The following TASP1 variants were observed in gnomAD, a reference collection of about 807,000 sequenced individuals.
The protein encoded by TASP1 is threonine aspartase 1.
TASP1 carries 16 observed loss-of-function variants against 56.6 expected under a neutral mutation model. That is an observed-to-expected ratio of 0.28 (90% CI 0.19 to 0.43). The LOEUF (loss-of-function observed/expected upper bound fraction) is 0.43. TASP1 is among the 20% of genes least tolerant of loss of function. The pLI is 1.00. For missense variants in TASP1, 393 were observed against 511.6 expected (o/e 0.77, Z 2.24); for synonymous variants, 179 against 184.2 (o/e 0.97, Z 0.23).
chr20:13,118,263 T>C, the TASP1 span, among the ~76,000 whole-genome samples: 1 of 151,988 alleles, frequency 6.6e-6, no homozygotes, highest in African/African-American at 2.4e-5. Context: ...GTGGCAGGAA[T>C]GTACTTTTAA....
chr20:13,113,484 A>G, the TASP1 span, among the ~76,000 whole-genome samples: 1 of 152,178 alleles, frequency 6.6e-6, no homozygotes, highest in Non-Finnish European at 1.5e-5. Flanking sequence ...GGGAGATATC[A>G]AGATAGAAAA....
chr20:13,536,964 C>T (rs991985276), intron 8 of TASP1, among the ~76,000 whole-genome samples: 6 of 151,910 alleles, frequency 3.9e-5, no homozygotes, highest in African/African-American at 9.7e-5. Flanking sequence ...TTATTTCTGG[C>T]GAGAATGCTT....
chr20:13,470,119 T>C (rs1290264848), intron 11 of TASP1, among the ~76,000 whole-genome samples: 1 of 152,110 alleles, frequency 6.6e-6, no homozygotes, highest in African/African-American at 2.4e-5. Flanking sequence ...GTCTCAAATG[T>C]CTATTACCTT....
At chr20:13,261,174 G>A in the TASP1 span, among the ~76,000 whole-genome samples, 1 of 152,284 alleles carries the variant, frequency 6.6e-6, no homozygotes, top group African/African-American at 2.4e-5. Context: ...AGCACTTTGA[G>A]AGGCTGAGTT....
At chr20:13,476,402 T>A (rs1161208660) in intron 11 of TASP1, among the ~76,000 whole-genome samples, 2 of 152,158 alleles carry the variant, frequency 1.3e-5, no homozygotes, top group African/African-American at 4.8e-5. Flanking sequence ...AAAGTGTGAT[T>A]TTTGCCTTTT....
chr20:13,118,373 C>G, the TASP1 span, among the ~76,000 whole-genome samples: 1 of 141,006 alleles, frequency 7.1e-6, no homozygotes, highest in Non-Finnish European at 1.5e-5. Context: ...CTTAAAAATT[C>G]TGATCTGCTG....
Position 13,569,606 on chromosome 20 carries a change from T to G in TASP1, c.489-20A>C, listed in dbSNP as rs766831681. 1.9e-6 allele frequency: 3 copies of G among 1,602,926 alleles called. No homozygotes were observed. The highest frequency in any genetic ancestry group is 1.8e-4 in the Middle Eastern group (1 of 5,584). ...AAAAAGCTAACAACAGAAAAATTATTTTTAAAATTCACAGTGTCATCTTCT... is the reference window on the plus strand; with the variant it reads ...AAAAAGCTAACAACAGAAAAATTATGTTTAAAATTCACAGTGTCATCTTCT... On this transcript the variant is annotated intron_variant, in intron 6 of 13. Coordinates refer to ENST00000337743, the MANE Select transcript of TASP1 (RefSeq NM_017714.3).
At chr20:13,347,879 G>C in the TASP1 span, among the ~76,000 whole-genome samples, 1 of 151,672 alleles carries the variant, frequency 6.6e-6, no homozygotes, top group African/African-American at 2.4e-5. Context: ...TATTCCATTT[G>C]CCTCAATTCC....
chr20:13,423,121 G>T (rs1045233195), intron 12 of TASP1, among the ~76,000 whole-genome samples: 1 of 152,052 alleles, frequency 6.6e-6, no homozygotes, highest in African/African-American at 2.4e-5. Context: ...CCAATTAATT[G>T]CCTATTGGAC....
chr20:13,225,200 A>G, the TASP1 span, among the ~76,000 whole-genome samples: 2 of 152,088 alleles, frequency 1.3e-5, no homozygotes, highest in Admixed American at 1.3e-4. Flanking sequence ...ATTAGGTGCT[A>G]TCATTATCCC....
intron 5 of TASP1, among the ~76,000 whole-genome samples, chr20:13,583,719 TA>T (rs1343561373): frequency 6.6e-6 from 1 of 152,136 alleles, no homozygotes; most frequent in East Asian, 1.9e-4. Flanking sequence ...ATAGGCCTCA[TA>T]ACGGTATTAC....
At chr20:13,556,014 G>A (rs2046144754) in intron 8 of TASP1, among the ~76,000 whole-genome samples, 1 of 152,102 alleles carries the variant, frequency 6.6e-6, no homozygotes, top group South Asian at 2.1e-4. Context: ...TAGGTTTTAT[G>A]GTGAAAATGG....
the TASP1 span, among the ~76,000 whole-genome samples, chr20:13,125,501 G>A: frequency 2.0e-5 from 3 of 152,240 alleles, no homozygotes; most frequent in Middle Eastern, 0.01. Context: ...CCCAAATTTG[G>A]TGTCTAAAAA....
At chr20:13,155,829 AAAT>A in the TASP1 span, among the ~76,000 whole-genome samples, 4 of 152,126 alleles carry the variant, frequency 2.6e-5, no homozygotes, top group African/African-American at 7.2e-5. Context: ...CCGTCTAAAA[AAAT>A]AATAATAATA....
intron 11 of TASP1, among the ~76,000 whole-genome samples, chr20:13,444,016 T>C (rs978298232): frequency 1.3e-5 from 2 of 152,230 alleles, no homozygotes; most frequent in Non-Finnish European, 2.9e-5. Context: ...TTTGGTGCTG[T>C]ATTCTTGAAC....
chr20:13,568,567 A>C (rs2046613058), intron 7 of TASP1, among the ~76,000 whole-genome samples: 1 of 152,180 alleles, frequency 6.6e-6, no homozygotes, highest in African/African-American at 2.4e-5. Context: ...ATTAGTCTTC[A>C]TAACAATTTC....
chr20:13,502,187 T>C (rs954873970), intron 10 of TASP1, among the ~76,000 whole-genome samples: 3 of 152,046 alleles, frequency 2.0e-5, no homozygotes, highest in Non-Finnish European at 4.4e-5. Context: ...CTGTGCATCA[T>C]CTCTTTATTT....
At chr20:13,321,545 C>CT in the TASP1 span, among the ~76,000 whole-genome samples, 5 of 152,190 alleles carry the variant, frequency 3.3e-5, no homozygotes. Flanking sequence ...AATCCTTCCT[C>CT]TGTCTGCCTA....
chr20:13,218,114 G>C, the TASP1 span, among the ~76,000 whole-genome samples: 5 of 152,038 alleles, frequency 3.3e-5, no homozygotes, highest in African/African-American at 9.7e-5. Flanking sequence ...AGCCAGGCGT[G>C]GGGGCAGGAT....
Sources: allele counts gnomAD v4.1 joint callset (sites outside exome capture counted in the v4.1 genomes callset), GRCh38; gene constraint gnomAD v4.1.1; transcripts MANE v1.5; gene names NCBI Gene and HGNC (gene_info 2026-07-23, HGNC 2026-07-21).